Variants in MUTYH observed in about 807,000 individuals in gnomAD.
MUTYH encodes the protein mutY DNA glycosylase.
MUTYH carries 64 observed loss-of-function variants against 72.9 expected under a neutral mutation model. That is an observed-to-expected ratio of 0.88 (90% confidence interval 0.72 to 1.08). MUTYH has a LOEUF of 1.08. Ranked by LOEUF, MUTYH falls within the 50% of genes least tolerant of loss-of-function variation. MUTYH has a pLI of 0.00. For synonymous variants in MUTYH, 234 were observed against 263.1 expected (o/e 0.89, Z 1.07); for missense variants, 633 against 671.0 (o/e 0.94, Z 0.63).
intron 1 of MUTYH, chr1:45,339,688 A>C: frequency 1.9e-6 from 1 of 515,440 alleles, no homozygotes; most frequent in Non-Finnish European, 3.4e-6. Context: ...CACCCTGGGC[A>C]GCCTCCTCCG....
chr1:45,334,791 C>G (rs1487691926), intron 1 of MUTYH, among the ~76,000 whole-genome samples: 1 of 152,136 alleles, frequency 6.6e-6, no homozygotes, highest in African/African-American at 2.4e-5. Context: ...ATGAAAGCCT[C>G]CTGTTTGGGA....
upstream of MUTYH, chr1:45,340,210 C>T (rs766584437): frequency 7.4e-6 from 12 of 1,613,622 alleles, no homozygotes; most frequent in East Asian, 1.8e-4. Context: ...GACCGCAAGT[C>T]CAGCGTACCC....
rs748888306 is a variant in MUTYH at position 45,332,805 on chromosome 1, G to C, written c.450C>G (p.Gly150=). Residue 150 remains glycine, a synonymous_variant, in exon 7 of 16, where the codon GGC becomes GGG. Transcript: ENST00000456914. ...EEVNQLWAGL[G]YYSRGRRLQE... ...GCAGCCGCCGGCCACGAGAATAGTA[G>C]CCCAGGCCAGCCCAGAGTTGATTCA... 6.2e-7 allele frequency: 1 copy of C among 1,614,128 alleles called. No individual in the cohort carries two copies. The highest frequency in any genetic ancestry group is 8.5e-7 in the Non-Finnish European group (1 of 1,180,018).
chr1:45,340,121 G>A, upstream of MUTYH: 2 of 1,566,038 alleles, frequency 1.3e-6, no homozygotes, highest in Non-Finnish European at 8.6e-7. Flanking sequence ...CGGGACGTCT[G>A]AACGGAAGTT....
At chr1:45,339,083 T>C (rs2149234292) in intron 1 of MUTYH, among the ~76,000 whole-genome samples, 1 of 149,020 alleles carries the variant, frequency 6.7e-6, no homozygotes, top group South Asian at 2.1e-4. Context: ...TGAATAATGA[T>C]GAAATGGGCT....
At chr1:45,339,274 G>A (rs1202786916) in intron 1 of MUTYH, among the ~76,000 whole-genome samples, 2 of 148,558 alleles carry the variant, frequency 1.3e-5, no homozygotes, top group East Asian at 4.0e-4. Flanking sequence ...GCAAAATGGC[G>A]TGATCTCGGC....
chr1:45,334,615 G>A, intron 1 of MUTYH, 104 bp from the exon 2 acceptor site: 4 of 1,527,750 alleles, frequency 2.6e-6, no homozygotes, highest in Non-Finnish European at 3.6e-6. Context: ...ATTCACATGG[G>A]GTCCAGCTTC....
intron 1 of MUTYH, among the ~76,000 whole-genome samples, chr1:45,335,702 CAAA>C (rs1645781189): frequency 6.6e-6 from 1 of 151,724 alleles, no homozygotes; most frequent in African/African-American, 2.4e-5. Flanking sequence ...ACTAAAAATC[CAAA>C]AAAATTAGCC....
rs1645235855 is a variant in MUTYH, at chr1:45,332,970, A to G, written c.379-11T>C. 6.2e-7 allele frequency: 1 copy of G among 1,614,016 alleles called. No homozygotes were observed. The highest frequency in any genetic ancestry group is 1.3e-5 in the African/African-American group (1 of 74,918). On this transcript the variant is annotated splice_polypyrimidine_tract_variant and intron_variant, in intron 5 of 15. Transcript: ENST00000456914. ...CAGTGTAGGCCACTTCTATAGCCAC[A>G]GGCAGGCAGAAAGAGACAAGGTCAA...
intron 15 of MUTYH, 122 bp downstream of exon 15, chr1:45,330,394 T>C: frequency 1.7e-6 from 2 of 1,172,384 alleles, no homozygotes; most frequent in Admixed American, 2.0e-5. Flanking sequence ...TCAAGAACTA[T>C]TCCTCCCTCC....
At chr1:45,338,475 C>A (rs938988661) in intron 1 of MUTYH, 15 of 364,066 alleles carry the variant, frequency 4.1e-5, no homozygotes, top group Admixed American at 4.1e-4. Context: ...CTCATCTTAT[C>A]CTATCACATA....
chr1:45,338,830 A>C (rs1254539683), intron 1 of MUTYH, among the ~76,000 whole-genome samples: 1 of 152,070 alleles, frequency 6.6e-6, no homozygotes, highest in African/African-American at 2.4e-5. Context: ...GTGCAATAAG[A>C]ACATGGCTCA....
chr1:45,331,408 C>T lies in MUTYH; in HGVS notation c.1239+12G>A. 1 of 1,614,264 alleles carries T rather than the reference C, an allele frequency of 6.2e-7. No homozygotes were observed. The highest frequency in any genetic ancestry group is 1.1e-5 in the South Asian group (1 of 91,090). ...AAAGCCAACATCCTTGGCTATTCCG[C>T]TGCTCACTTACCTCCCCAAGGTGCC... On this transcript the variant is annotated intron_variant, in intron 13 of 15. Transcript: ENST00000456914.
At chr1:45,340,149 G>C (rs1224648677), upstream of MUTYH, 2 of 1,590,138 alleles carry the variant, frequency 1.3e-6, no homozygotes, top group South Asian at 1.1e-5. Context: ...TCGGCGACCC[G>C]ACGGCGAGAC....
rs1557464361 is a variant in MUTYH at position 45,331,750 on chromosome 1, G to A, written c.1013C>T (p.Pro338Leu). Residue 338 changes from proline (P) to leucine (L), a missense_variant, in exon 12 of 16, where the codon CCC becomes CTC. Physicochemically the swap from Pro to Leu is moderately conservative, Grantham distance 98 (BLOSUM62 -3). Coordinates refer to ENST00000456914, the MANE Select transcript of MUTYH (RefSeq NM_001048174.2). ...GGTGGCAGAGCTCTCCTCCCTGGGGGGCTTGCGGCTGGCCTTTCTGGGGAA... is the reference window on the plus strand; with the variant it reads ...GGTGGCAGAGCTCTCCTCCCTGGGGAGCTTGCGGCTGGCCTTTCTGGGGAA... ...VNFPRKASRKPPREESSATCV... is the reference protein window; with the variant it reads ...VNFPRKASRKLPREESSATCV... 4.3e-6 allele frequency: 7 copies of A among 1,614,104 alleles called. No individual in the cohort carries two copies. The highest frequency in any genetic ancestry group is 1.3e-5 in the African/African-American group (1 of 75,056).
chr1:45,340,056 A>G (rs551403495), upstream of MUTYH: 8 of 1,542,510 alleles, frequency 5.2e-6, no homozygotes, highest in African/African-American at 1.4e-5. Context: ...GCGAGCCGGC[A>G]GCACAGGCCA....
chr1:45,339,587 C>T, intron 1 of MUTYH: 1 of 340,108 alleles, frequency 2.9e-6, no homozygotes, highest in Non-Finnish European at 5.8e-6. Context: ...TTGTCCCTTC[C>T]TCGCCATCCA....
At chr1:45,329,495 C>T (rs1268750906) in intron 15 of MUTYH, 58 bp from the exon 16 acceptor site, 22 of 1,600,382 alleles carry the variant, frequency 1.4e-5, no homozygotes, top group Non-Finnish European at 1.9e-5. Context: ...GCAGAGAATC[C>T]TCTCCTTGTC....
rs765339120 is a variant in MUTYH at position 45,332,396 on chromosome 1, C to A, written c.699G>T (p.Gln233His). 1 of 1,614,158 alleles carries A rather than the reference C, an allele frequency of 6.2e-7. No individual in the cohort carries two copies. Among genetic ancestry groups the A allele is most frequent in the Non-Finnish European group, 8.5e-7 (1 of 1,180,004 alleles). The change falls in exon 9 of 16, where the codon CAG (glutamine) becomes CAT (histidine). Residue 233 changes from glutamine to histidine, a missense_variant. By Grantham distance (24) the Gln-to-His change is conservative. Coordinates refer to ENST00000456914, the MANE Select transcript of MUTYH (RefSeq NM_001048174.2). ...TTGTTACCCCAACATCCTACCAGAGCTGCTGGGAAACAAGGGTGCTGCTGG... is the reference window on the plus strand; with the variant it reads ...TTGTTACCCCAACATCCTACCAGAGATGCTGGGAAACAAGGGTGCTGCTGG... The part of the protein sequence containing the change: ...ADPSSTLVSQ[Q>H]LWGLAQQLVD...
Sources: gnomAD v4.1 joint callset for allele counts (sites outside exome capture counted in the v4.1 genomes callset) on GRCh38, gnomAD v4.1.1 for gene constraint, MANE v1.5 for transcripts, NCBI Gene and HGNC (gene_info 2026-07-23, HGNC 2026-07-21) for gene names.